XDH: variants seen among roughly 807,000 people sequenced by gnomAD.
XDH encodes the protein xanthine dehydrogenase/oxidase.
Under a neutral mutation model 156.1 loss-of-function variants are expected in XDH, and 138 were observed. The observed-to-expected ratio is 0.88, with a 90% CI of 0.77 to 1.02. The LOEUF (loss-of-function observed/expected upper bound fraction) is 1.02. XDH is among the 50% of genes least tolerant of loss of function. The pLI, the probability that XDH is intolerant of heterozygous loss-of-function variation, is 0.00. For missense variants in XDH, 1,849 were observed against 1,684.9 expected, an observed-to-expected ratio of 1.10 and a Z score of -1.71; for synonymous variants, 669 against 625.7, an observed-to-expected ratio of 1.07 and a Z score of -1.03.
intron 3 of XDH, among the ~76,000 whole-genome samples, chr2:31,402,336 C>T (rs1687082045): frequency 6.6e-6 from 1 of 152,148 alleles, no homozygotes; most frequent in Non-Finnish European, 1.5e-5. Context: ...GCTTGCATTT[C>T]CCTGGTGGAG....
chr2:31,386,335 G>T, intron 9 of XDH, 79 bp downstream of exon 9: 1 of 1,583,618 alleles, frequency 6.3e-7, no homozygotes, highest in Non-Finnish European at 8.6e-7. Context: ...AAAGTCAGGG[G>T]GAGGTGAGGA....
intron 24 of XDH, among the ~76,000 whole-genome samples, chr2:31,362,134 G>A (rs944409238): frequency 3.3e-5 from 5 of 152,144 alleles, no homozygotes; most frequent in African/African-American, 9.7e-5. Context: ...GCCTTTTGGG[G>A]TGAGTAGAGC....
intron 16 of XDH, 70 bp from the exon 17 acceptor site, chr2:31,372,467 C>T: frequency 1.2e-6 from 2 of 1,603,982 alleles, no homozygotes; most frequent in Non-Finnish European, 8.5e-7. Flanking sequence ...CCAGGGGACA[C>T]TGGTGAGCTT....
chr2:31,336,637 C>T (rs1460746162), intron 35 of XDH, among the ~76,000 whole-genome samples: 1 of 151,080 alleles, frequency 6.6e-6, no homozygotes, highest in Non-Finnish European at 1.5e-5. Flanking sequence ...CACTCCATAG[C>T]TAAAGCTCTT....
At chr2:31,399,261 T>C (rs954245664) in intron 4 of XDH, among the ~76,000 whole-genome samples, 2 of 152,082 alleles carry the variant, frequency 1.3e-5, no homozygotes, top group Non-Finnish European at 2.9e-5. Flanking sequence ...AAATAGGCAA[T>C]TGGAAATGTA....
At chr2:31,379,789 C>G in intron 13 of XDH, 78 bp downstream of exon 13, 1 of 1,427,956 alleles carries the variant, frequency 7.0e-7, no homozygotes, top group African/African-American at 1.4e-5. Context: ...GTCCCTGAAG[C>G]AGATTCTGAT....
intron 34 of XDH, among the ~76,000 whole-genome samples, chr2:31,339,214 T>C (rs761344366): frequency 6.6e-6 from 1 of 152,138 alleles, no homozygotes; most frequent in Non-Finnish European, 1.5e-5. Flanking sequence ...AGGATTTAAA[T>C]GAGAAGATTT....
In XDH at chr2:31,403,097, C is replaced by T; in HGVS notation, c.148G>A (p.Ala50Thr). Reference protein sequence around the residue: ...KLGCGEGGCGACTVMLSKYDR... With the variant: ...KLGCGEGGCGTCTVMLSKYDR... ...TACTTGGAGAGCATCACTGTGCAAGCCCCGCAGCCCCCCTCTCCACAGCCG... is the reference window on the plus strand; with the variant it reads ...TACTTGGAGAGCATCACTGTGCAAGTCCCGCAGCCCCCCTCTCCACAGCCG... Residue 50 changes from alanine to threonine, a missense_variant, in exon 3 of 36, where the codon GCT becomes ACT. Coordinates refer to ENST00000379416, the MANE Select transcript of XDH (RefSeq NM_000379.4). The T allele has an allele frequency of 1.2e-6, 2 of 1,614,188 alleles. No individual in the cohort carries two copies. The highest frequency in any genetic ancestry group is 1.7e-6 in the Non-Finnish European group (2 of 1,180,022).
intron 6 of XDH, chr2:31,389,479 A>C (rs1395862476): frequency 6.6e-6 from 1 of 152,460 alleles, no homozygotes; most frequent in Non-Finnish European, 1.5e-5. Context: ...ATTTAGAAAG[A>C]AAGAAAGGAA....
At chr2:31,341,300 G>A (rs749839221) in intron 33 of XDH, 29 bp downstream of exon 33, 4 of 1,555,178 alleles carry the variant, frequency 2.6e-6, no homozygotes, top group East Asian at 4.8e-5. Flanking sequence ...GGCCAAGTCT[G>A]TCACCACCCT....
intron 21 of XDH, 26 bp downstream of exon 21, chr2:31,366,844 C>G: frequency 6.2e-7 from 1 of 1,613,712 alleles, no homozygotes; most frequent in Non-Finnish European, 8.5e-7. Flanking sequence ...CTGACAGCCC[C>G]TTGAGCTGAC....
chr2:31,335,993 G>A lies in XDH; in HGVS notation c.3967C>T (p.Pro1323Ser). The stretch of plus-strand genomic sequence containing the variant: ...ACAGACCAGGGTTTGCAGTTTTCTG[G>A]GACACCAGTGACACACTAGGAAGGA... The part of the protein sequence containing the change: ...KFTTLCVTGV[P>S]ENCKPWSVRV The change falls in exon 36 of 36, where the codon CCA (proline) becomes TCA (serine). Residue 1323 changes from proline to serine, a missense_variant. Transcript: ENST00000379416. 2 of 1,614,112 alleles carry A rather than the reference G, an allele frequency of 1.2e-6. No individual in the cohort carries two copies. Among genetic ancestry groups the A allele is most frequent in the Non-Finnish European group, 1.7e-6 (2 of 1,180,024 alleles).
chr2:31,352,743 GAAT>G (rs532746717), intron 24 of XDH, among the ~76,000 whole-genome samples: 26 of 152,244 alleles, frequency 1.7e-4, no homozygotes, highest in African/African-American at 5.8e-4. Flanking sequence ...CAAGAAATAA[GAAT>G]AATTCTTTTT....
intron 1 of XDH, among the ~76,000 whole-genome samples, chr2:31,412,207 T>C (rs964075924): frequency 5.3e-5 from 8 of 152,194 alleles, no homozygotes; most frequent in Non-Finnish European, 7.3e-5. Flanking sequence ...CCTTTGACTC[T>C]GACTCTAGAA....
chr2:31,380,167 T>C (rs528600225), intron 12 of XDH, among the ~76,000 whole-genome samples, 191 bp from the exon 13 acceptor site: 1 of 152,370 alleles, frequency 6.6e-6, no homozygotes, highest in South Asian at 2.1e-4. Context: ...AATGGTGTGC[T>C]GGTGAATCTT....
rs1408309344 is a variant in XDH at position 31,379,929 on chromosome 2, T to G, written c.1180A>C (p.Arg394=). ...QMDHTFFPGY[R]KTLLSPEEIL... is the part of the protein sequence containing the mutation. ...TCCTCCGGGCTCAGCAGGGTCTTTC[T>G]GTAGCCAGGGAAGAAGGTGTGGTCC... The change falls in exon 13 of 36, where the codon AGA becomes CGA. Residue 394 remains arginine (R), a synonymous_variant. Transcript: ENST00000379416. 6.2e-7 allele frequency: 1 copy of G among 1,614,162 alleles called. No individual in the cohort carries two copies. Among genetic ancestry groups the G allele is most frequent in the African/African-American group, 1.3e-5 (1 of 75,062 alleles).
intron 13 of XDH, 149 bp from the exon 14 acceptor site, chr2:31,377,386 AT>A: frequency 1.2e-6 from 1 of 814,172 alleles, no homozygotes; most frequent in Non-Finnish European, 2.0e-6. Context: ...CAAAGATCAA[AT>A]GTAACTGATT....
intron 1 of XDH, among the ~76,000 whole-genome samples, chr2:31,408,960 A>C (rs1385506060): frequency 6.6e-6 from 1 of 152,270 alleles, no homozygotes; most frequent in Non-Finnish European, 1.5e-5. Context: ...AGCCATAAAA[A>C]AGAACGAGAT....
At chr2:31,342,113 T>C in intron 32 of XDH, 70 bp downstream of exon 32, 1 of 1,370,876 alleles carries the variant, frequency 7.3e-7, no homozygotes, top group Admixed American at 1.7e-5. Context: ...CTCTATCAGC[T>C]CTAGGTATTA....
Sources: gnomAD v4.1 joint callset for allele counts (sites outside exome capture counted in the v4.1 genomes callset) on GRCh38, gnomAD v4.1.1 for gene constraint, MANE v1.5 for transcripts, NCBI Gene and HGNC (gene_info 2026-07-23, HGNC 2026-07-21) for gene names.